The following SP6 variants were observed in gnomAD, a reference collection of about 807,000 sequenced individuals.
SP6 encodes Sp6 transcription factor, also known as transcription factor Sp6.
A neutral mutation model predicts 23.4 loss-of-function variants in SP6; 10 were observed. That is an observed-to-expected ratio of 0.43 (90% CI 0.26 to 0.72). The LOEUF is 0.72. Ranked by LOEUF, SP6 falls within the 30% of genes least tolerant of loss-of-function variation. SP6 has a pLI of 0.23. For missense variants in SP6, 482 were observed against 523.8 expected (o/e 0.92, Z 0.78); for synonymous variants, 238 against 238.7 (o/e 1.00, Z 0.03).
In SP6 at chr17:47,848,306, C is replaced by A. The variant is rs757024066; in HGVS notation, c.124G>T (p.Asp42Tyr). 2 of 1,611,878 alleles carry A rather than the reference C, an allele frequency of 1.2e-6. No homozygotes were observed. Among genetic ancestry groups the A allele is most frequent in the South Asian group, 1.1e-5 (1 of 90,808 alleles). ...YQGHTSPEAG[D>Y]YPSPLQPGEL... Reference sequence around the variant, plus strand: ...CCAGGCTGCAGCGGGGAGGGGTAGTCCCCGGCCTCAGGGCTCGTGTGGCCC... The same window carrying A: ...CCAGGCTGCAGCGGGGAGGGGTAGTACCCGGCCTCAGGGCTCGTGTGGCCC... The change falls in exon 2 of 2, where the codon GAC (aspartate) becomes TAC (tyrosine). Residue 42 changes from aspartate to tyrosine, a missense_variant. By Grantham distance (160) the Asp-to-Tyr change is radical. This residue lies in a region of SP6 where 330 missense variants were observed against 332.3 expected (regional missense o/e 0.99). Coordinates refer to ENST00000536300, the MANE Select transcript of SP6 (RefSeq NM_001258248.2). The surrounding 1 kb of genome is among the most constrained non-coding windows in gnomAD (Gnocchi z 5.3).
chr17:47,847,907 G>C lies in SP6; in HGVS notation c.523C>G (p.Pro175Ala). 1 of 1,564,748 alleles carries C rather than the reference G, an allele frequency of 6.4e-7. No individual in the cohort carries two copies. The highest frequency in any genetic ancestry group is 8.7e-7 in the Non-Finnish European group (1 of 1,154,758). ...PPHPHAHHLLPAAGGQHLLGP... is the reference protein window; with the variant it reads ...PPHPHAHHLLAAAGGQHLLGP... Reference sequence around the variant, plus strand: ...AGGAGATGCTGCCCTCCGGCAGCTGGAAGGAGGTGGTGCGCATGCGGGTGG... The same window carrying C: ...AGGAGATGCTGCCCTCCGGCAGCTGCAAGGAGGTGGTGCGCATGCGGGTGG... Residue 175 changes from proline to alanine, a missense_variant, in exon 2 of 2, where the codon CCA becomes GCA. Pro to Ala is a conservative substitution (Grantham distance 27). This residue lies in a region of SP6 where 330 missense variants were observed against 332.3 expected (regional missense o/e 0.99). Transcript: ENST00000536300.
chr17:47,873,569 T>A, the SP6 span, among the ~76,000 whole-genome samples: 2 of 152,178 alleles, frequency 1.3e-5, no homozygotes, highest in Non-Finnish European at 2.9e-5. Context: ...TTGAGAGAGT[T>A]ACTTATCTTC....
At chr17:47,851,983 C>T (rs1276224770), upstream of SP6, among the ~76,000 whole-genome samples, 1 of 151,926 alleles carries the variant, frequency 6.6e-6, no homozygotes, top group Non-Finnish European at 1.5e-5. Context: ...TCAAATTCGC[C>T]TCTCCTCGCC....
chr17:47,854,949 C>A (rs904587640), upstream of SP6, among the ~76,000 whole-genome samples: 19 of 152,144 alleles, frequency 1.2e-4, no homozygotes, highest in African/African-American at 4.6e-4. Flanking sequence ...TCCTTATTTC[C>A]CCTCCTCTCC....
At position 47,847,334 on chromosome 17, in the gene SP6, G is replaced by C; in HGVS notation, c.1096C>G (p.Arg366Gly). Residue 366 changes from arginine (R) to glycine (G), a missense_variant, in exon 2 of 2, where the codon CGC (arginine) becomes GGC (glycine). Transcript: ENST00000536300. ...AVEPPGGKGK[R>G]EAEGSVAPSN is the part of the protein sequence containing the mutation. The stretch of plus-strand genomic sequence containing the variant: ...GGAGCCACGCTGCCCTCGGCCTCGC[G>C]TTTGCCTTTGCCCCCGGGGGGCTCC... 1 of 1,588,978 alleles carries C rather than the reference G, an allele frequency of 6.3e-7. No homozygotes were observed. The highest frequency in any genetic ancestry group is 8.6e-7 in the Non-Finnish European group (1 of 1,167,802).
chr17:47,862,154 T>C, the SP6 span, among the ~76,000 whole-genome samples: 1 of 151,490 alleles, frequency 6.6e-6, no homozygotes, highest in Non-Finnish European at 1.5e-5. Flanking sequence ...GAGACCAGCC[T>C]GGCCAACGTG....
At chr17:47,862,681 T>G in the SP6 span, among the ~76,000 whole-genome samples, 1 of 152,180 alleles carries the variant, frequency 6.6e-6, no homozygotes, top group Non-Finnish European at 1.5e-5. Context: ...TTCTGTGGTG[T>G]TCAGAAAACC....
At chr17:47,860,081 T>A (rs9904820), upstream of SP6, among the ~76,000 whole-genome samples, 27,005 of 152,074 alleles carry the variant, frequency 0.18, 2,499 homozygotes, top group Admixed American at 0.27. Context: ...AGGCCTAGGA[T>A]TGAAGCCCCA....
chr17:47,873,428 G>C, the SP6 span, among the ~76,000 whole-genome samples: 1 of 152,198 alleles, frequency 6.6e-6, no homozygotes, highest in Admixed American at 6.5e-5. Context: ...AGAATGACAG[G>C]CCTCCTGGAA....
chr17:47,855,954 G>A (rs2033995650), upstream of SP6: 1 of 152,294 alleles, frequency 6.6e-6, no homozygotes, highest in South Asian at 2.1e-4. Context: ...GAGTTGGCTG[G>A]GCAGTGGGAG....
chr17:47,854,789 C>T (rs1320248471), upstream of SP6, among the ~76,000 whole-genome samples: 6 of 152,118 alleles, frequency 3.9e-5, no homozygotes, highest in East Asian at 1.9e-4. Flanking sequence ...AAAACAGGGA[C>T]GTTAGTAGCA....
Position 47,848,559 on chromosome 17 carries a change from C to G in SP6, c.-57-73G>C. 1 of 829,036 alleles carries G rather than the reference C, an allele frequency of 1.2e-6. No individual in the cohort carries two copies. 51.4% of individuals were successfully genotyped at this position (829,036 alleles called of 1,614,324 possible). ...TTTCCCTCCTAACCCAGGTCCTCCT[C>G]TCTGGCCCCAGGTGTAAAAGAAGGA... On this transcript the variant is annotated intron_variant, in intron 1 of 1. Transcript: ENST00000536300. This position sits in a 1 kb window ranked among gnomAD's most constrained non-coding sequence, Gnocchi z 5.3.
At chr17:47,869,469 C>T in the SP6 span, among the ~76,000 whole-genome samples, 1 of 152,168 alleles carries the variant, frequency 6.6e-6, no homozygotes, top group African/African-American at 2.4e-5. Flanking sequence ...GAAAAGGGGG[C>T]TGACAGGGAT....
upstream of SP6, among the ~76,000 whole-genome samples, chr17:47,851,363 C>A (rs552801248): frequency 2.6e-5 from 4 of 152,316 alleles, no homozygotes; most frequent in African/African-American, 9.6e-5. Flanking sequence ...TGGTCCCCTC[C>A]ACTCCCAGGG....
At chr17:47,872,430 C>G in the SP6 span, among the ~76,000 whole-genome samples, 2 of 152,164 alleles carry the variant, frequency 1.3e-5, no homozygotes, top group African/African-American at 4.8e-5. Context: ...GAGTTCCCTG[C>G]GTCTGGGCCG....
upstream of SP6, among the ~76,000 whole-genome samples, chr17:47,857,927 G>C (rs2034010030): frequency 6.8e-6 from 1 of 147,222 alleles, no homozygotes; most frequent in South Asian, 2.2e-4. Context: ...CCCCACACGA[G>C]CCACCTCCCC....
the SP6 span, among the ~76,000 whole-genome samples, chr17:47,872,656 G>T: frequency 0.14 from 21,893 of 152,222 alleles, 1,921 homozygotes; most frequent in Middle Eastern, 0.26. Flanking sequence ...GCCCTTTGCC[G>T]GCCCACTGCA....
the SP6 span, among the ~76,000 whole-genome samples, chr17:47,868,973 C>A: frequency 1.3e-5 from 2 of 152,226 alleles, no homozygotes; most frequent in Admixed American, 1.3e-4. Context: ...ATCCTGAAAC[C>A]ACACACGGCA....
At chr17:47,868,001 T>G in the SP6 span, among the ~76,000 whole-genome samples, 87 of 152,166 alleles carry the variant, frequency 5.7e-4, 1 homozygote, top group Middle Eastern at 0.031. Context: ...TCCACCAGCA[T>G]GCACATGCGC....
Sources: gnomAD v4.1 joint callset for allele counts (sites outside exome capture counted in the v4.1 genomes callset) on GRCh38, gnomAD v4.1.1 for gene constraint, gnomAD v4.1.1 regional missense constraint, Gnocchi (gnomAD v3.1) non-coding constraint, MANE v1.5 for transcripts, NCBI Gene and HGNC (gene_info 2026-07-23, HGNC 2026-07-21) for gene names.